The following PLPP5 variants were observed in gnomAD, a reference collection of about 807,000 sequenced individuals.
PLPP5 encodes diacylglycerol pyrophosphate like 1.
In PLPP5, 29 loss-of-function variants were observed where a neutral mutation model predicts 23.6. That is an observed-to-expected ratio of 1.23 (90% CI 0.92 to 1.68). The LOEUF (loss-of-function observed/expected upper bound fraction) is 1.68, where lower values mean the gene tolerates loss of function less well. Among genes scored for constraint, PLPP5 ranks in the 40% most tolerant of loss-of-function variants. The pLI is 0.00. For missense variants in PLPP5, 315 were observed against 332.1 expected, an observed-to-expected ratio of 0.95 and a Z score of 0.40; for synonymous variants, 143 against 131.3, an observed-to-expected ratio of 1.09 and a Z score of -0.61.
In PLPP5 at chr8:38,269,078, C is replaced by G. The variant is rs760112456; in HGVS notation, c.74+48G>C. The stretch of plus-strand genomic sequence containing the variant: ...CGACCCGCCGCCCCGTGCCGCCCGC[C>G]TGCCTGGGAAGCGGGGCCGCCCGGG... On this transcript the variant is annotated intron_variant, in intron 1 of 6. Transcript: ENST00000424479. 39 of 1,528,072 alleles carry G rather than the reference C, an allele frequency of 2.6e-5. 1 individual carries two copies. In the South Asian group the frequency reaches 3.7e-4, roughly 15 times the overall value. 94.7% of individuals were successfully genotyped at this position (1,528,072 alleles called of 1,614,324 possible).
chr8:38,267,544 A>C, intron 4 of PLPP5, 153 bp from the exon 5 acceptor site: 1 of 847,840 alleles, frequency 1.2e-6, no homozygotes, highest in Admixed American at 3.1e-5. Flanking sequence ...ACACTAAGAG[A>C]AAAGCCTTTC....
chr8:38,263,959 A>G lies in PLPP5; in HGVS notation c.*485T>C. 1 of 985,628 alleles carries G rather than the reference A, an allele frequency of 1.0e-6. No individual in the cohort carries two copies. Among genetic ancestry groups the G allele is most frequent in the Non-Finnish European group, 1.2e-6 (1 of 830,094 alleles). 61.1% of individuals were successfully genotyped at this position (985,628 alleles called of 1,614,324 possible). ...TTTACTAGAACATGTGGCATACAGT[A>G]GTGGAAAAGAACCGTAACTCCTCAA... On this transcript the variant is annotated 3_prime_UTR_variant, in exon 7 of 7. Transcript: ENST00000424479.
chr8:38,266,433 C>T lies in PLPP5; in HGVS notation c.464-122G>A, dbSNP rs996800918. ...TTATTTATTTTTTGAGACAGTCTTGCTCTGTCGCCCAGGCTGGAGTGCAGT... is the reference window on the plus strand; with the variant it reads ...TTATTTATTTTTTGAGACAGTCTTGTTCTGTCGCCCAGGCTGGAGTGCAGT... On this transcript the variant is annotated intron_variant, in intron 5 of 6. Coordinates refer to ENST00000424479, the MANE Select transcript of PLPP5 (RefSeq NM_001102559.2). The T allele has an allele frequency of 7.1e-6, 7 of 984,530 alleles. No homozygotes were observed. In the African/African-American group the frequency reaches 1.2e-4, roughly 16 times the overall value. 61.0% of individuals were successfully genotyped at this position (984,530 alleles called of 1,614,324 possible). A position where few individuals can be genotyped will look rare whatever the true frequency, so the allele number is the denominator to read the frequency against.
chr8:38,265,078 C>A, intron 6 of PLPP5: 1 of 692,138 alleles, frequency 1.4e-6, no homozygotes. Context: ...ACCAGCCTGA[C>A]CAACAAGTGA....
chr8:38,268,085 A>ATAAT, intron 3 of PLPP5, 125 bp from the exon 4 acceptor site: 1 of 1,514,284 alleles, frequency 6.6e-7, no homozygotes, highest in Non-Finnish European at 8.8e-7. Flanking sequence ...GGGCACAAAA[A>ATAAT]TAATTAGGGT....
Position 38,267,909 on chromosome 8 carries a change from A to G in PLPP5, c.326T>C (p.Leu109Pro). ...LNGVFTNTIK[L>P]IVGRPRPDFF... The stretch of plus-strand genomic sequence containing the variant: ...TGTTGTCACTTACCTCCCTACGATC[A>G]GTTTTATTGTGTTGGTAAAGACGCC... The change falls in exon 4 of 7, where the codon CTG becomes CCG. Residue 109 changes from leucine to proline, a missense_variant. Leu to Pro is a moderately conservative substitution (Grantham distance 98). Transcript: ENST00000424479. 5.0e-6 allele frequency: 8 copies of G among 1,614,042 alleles called. No individual in the cohort carries two copies. The highest frequency in any genetic ancestry group is 6.8e-6 in the Non-Finnish European group (8 of 1,179,904).
intron 2 of PLPP5, 191 bp from the exon 3 acceptor site, chr8:38,268,652 G>C (rs1808121638): frequency 7.0e-7 from 1 of 1,435,242 alleles, no homozygotes. Flanking sequence ...GGTACCTCAG[G>C]CTGAGGCACA....
intron 2 of PLPP5, 36 bp from the exon 3 acceptor site, chr8:38,268,497 A>G (rs1484270108): frequency 1.3e-6 from 2 of 1,549,708 alleles, no homozygotes; most frequent in Admixed American, 3.9e-5. Flanking sequence ...AACAATCCAA[A>G]AAAAAGCCAC....
At chr8:38,266,493 C>T (rs901408949) in intron 5 of PLPP5, 182 bp from the exon 6 acceptor site, 90 of 553,170 alleles carry the variant, frequency 1.6e-4, no homozygotes, top group Non-Finnish European at 1.8e-4. Flanking sequence ...CTCCACCACC[C>T]GGGTTCAAGC....
In PLPP5 at chr8:38,269,214, C is replaced by G; in HGVS notation, c.-15G>C. 2 of 1,494,758 alleles carry G rather than the reference C, an allele frequency of 1.3e-6. No homozygotes were observed. Among genetic ancestry groups the G allele is most frequent in the Non-Finnish European group, 1.8e-6 (2 of 1,130,128 alleles). The allele number at this position is 1,494,758 out of a possible 1,614,324, so 92.6% of individuals were successfully genotyped here. The stretch of plus-strand genomic sequence containing the variant: ...GCCTTCCCCATCCGGCCGCGAGCTC[C>G]GAGCGACGCTGCGCTGACGTGGCCA... On this transcript the variant is annotated 5_prime_UTR_variant, in exon 1 of 7. Coordinates refer to ENST00000424479, the MANE Select transcript of PLPP5 (RefSeq NM_001102559.2).
Position 38,269,023 on chromosome 8 carries a change from G to T in PLPP5, c.75-33C>A, listed in dbSNP as rs376411311. The T allele has an allele frequency of 4.0e-5, 61 of 1,542,794 alleles. No individual in the cohort carries two copies. In the African/African-American group the frequency reaches 6.7e-4, roughly 17 times the overall value. On this transcript the variant is annotated intron_variant, in intron 1 of 6. Transcript: ENST00000424479. ...GGAACAAAGAAGCGCAGAGCAGGTCGCCTGGCTTCCTCCCCGCTTCCCCAC... is the reference window on the plus strand; with the variant it reads ...GGAACAAAGAAGCGCAGAGCAGGTCTCCTGGCTTCCTCCCCGCTTCCCCAC...
Position 38,269,184 on chromosome 8 carries a change from C to G in PLPP5, c.16G>C (p.Ala6Pro). The G allele has an allele frequency of 2.0e-6, 3 of 1,503,226 alleles. No homozygotes were observed. Among genetic ancestry groups the G allele is most frequent in the Non-Finnish European group, 2.6e-6 (3 of 1,133,948 alleles). 93.1% of individuals were successfully genotyped at this position (1,503,226 alleles called of 1,614,324 possible). Reference sequence around the variant, plus strand: ...ACTTCGGCCCCAAAGGCCACCGCCGCCGCCGCCTTCCCCATCCGGCCGCGA... The same window carrying G: ...ACTTCGGCCCCAAAGGCCACCGCCGGCGCCGCCTTCCCCATCCGGCCGCGA... Reference protein sequence around the residue: MGKAAAAVAFGAEVGV... With the variant: MGKAAPAVAFGAEVGV... The change falls in exon 1 of 7, where the codon GCG becomes CCG. Residue 6 changes from alanine to proline, a missense_variant. Ala to Pro is a conservative substitution (Grantham distance 27). Coordinates refer to ENST00000424479, the MANE Select transcript of PLPP5 (RefSeq NM_001102559.2).
chr8:38,268,110 CT>C (rs1260059751), intron 3 of PLPP5, 150 bp from the exon 4 acceptor site: 1 of 1,460,596 alleles, frequency 6.8e-7, no homozygotes, highest in Non-Finnish European at 9.0e-7. Flanking sequence ...AGTGATCACT[CT>C]TTTGTAGCCG....
At position 38,267,934 on chromosome 8, in the gene PLPP5, C is replaced by T; in HGVS notation, c.301G>A (p.Gly101Ser). 2 of 1,613,974 alleles carry T rather than the reference C, an allele frequency of 1.2e-6. No homozygotes were observed. Among genetic ancestry groups the T allele is most frequent in the South Asian group, 2.2e-5 (2 of 91,074 alleles). ...AGTTTTATTGTGTTGGTAAAGACGC[C>T]ATTCAGAGCCAGGGCAAGGCTGGCA... ...LAASLALALN[G>S]VFTNTIKLIV... Residue 101 changes from glycine (G) to serine (S), a missense_variant, in exon 4 of 7, where the codon GGC (glycine) becomes AGC (serine). By Grantham distance (56) the Gly-to-Ser change is moderately conservative. Coordinates refer to ENST00000424479, the MANE Select transcript of PLPP5 (RefSeq NM_001102559.2).
At chr8:38,268,307 A>T in intron 3 of PLPP5, 64 bp downstream of exon 3, 1 of 1,412,902 alleles carries the variant, frequency 7.1e-7, no homozygotes, top group South Asian at 1.2e-5. Context: ...ACCGTGGCTG[A>T]ATCCCACAAC....
chr8:38,267,848 TGGGTAAGGGCTGAG>T, intron 4 of PLPP5, 35 bp downstream of exon 4: 1 of 1,564,576 alleles, frequency 6.4e-7, no homozygotes, highest in Non-Finnish European at 8.8e-7. Context: ...TCTGTTCTGG[TGGGTAAGGGCTGAG>T]GCAGATGCTG....
chr8:38,268,741 G>A (rs2130954520), intron 2 of PLPP5, 141 bp downstream of exon 2: 2 of 1,433,614 alleles, frequency 1.4e-6, no homozygotes, highest in South Asian at 1.5e-5. Context: ...AAACACTCGA[G>A]CCCTAGGAGG....
chr8:38,268,232 T>C, intron 3 of PLPP5, 139 bp downstream of exon 3: 1 of 1,062,252 alleles, frequency 9.4e-7, no homozygotes, highest in Non-Finnish European at 1.3e-6. Context: ...GCAGTGCTAT[T>C]TTCCTCTCCC....
Position 38,269,000 on chromosome 8 carries a change from A to AACAAAGAAGCGC in PLPP5, c.75-22_75-11dup, listed in dbSNP as rs774512168. ...GAGCAGCTCCGTCACCCTAGAGGGG[A>AACAAAGAAGCGC]ACAAAGAAGCGCAGAGCAGGTCGCC... On this transcript the variant is annotated splice_polypyrimidine_tract_variant and intron_variant, in intron 1 of 6. Coordinates refer to ENST00000424479, the MANE Select transcript of PLPP5 (RefSeq NM_001102559.2). The AACAAAGAAGCGC allele has an allele frequency of 6.4e-7, 1 of 1,574,658 alleles. No individual in the cohort carries two copies. The highest frequency in any genetic ancestry group is 1.1e-5 in the South Asian group (1 of 87,132).
Sources: gnomAD v4.1 joint callset for allele counts on GRCh38, gnomAD v4.1.1 for gene constraint, MANE v1.5 for transcripts, NCBI Gene and HGNC (gene_info 2026-07-23, HGNC 2026-07-21) for gene names.